Variants in LSP1 observed in about 807,000 individuals in gnomAD.
The protein encoded by LSP1 is lymphocyte-specific protein 1.
In LSP1, 32 loss-of-function variants were observed where a neutral mutation model predicts 49.3. That is an observed-to-expected ratio of 0.65 (90% confidence interval 0.49 to 0.87). The LOEUF is 0.87. Among genes scored for constraint, LSP1 ranks in the 40% least tolerant of loss-of-function variants. LSP1 has a pLI of 0.00. For synonymous variants in LSP1, 179 were observed against 178.8 expected (o/e 1.00, Z -0.01); for missense variants, 428 against 442.6 (o/e 0.97, Z 0.30).
At chr11:1,883,384 C>T in intron 3 of LSP1, 35 bp from the exon 4 acceptor site, 1 of 1,612,566 alleles carries the variant, frequency 6.2e-7, no homozygotes, top group Non-Finnish European at 8.5e-7. Context: ...AATCCAATGG[C>T]CCTAGAACGG....
Position 1,880,178 on chromosome 11 carries a change from G to A in LSP1, c.145G>A (p.Glu49Lys), listed in dbSNP as rs138504655. Residue 49 changes from glutamate to lysine, a missense_variant, in exon 2 of 11, where the codon GAG (glutamate) becomes AAG (lysine). Coordinates refer to ENST00000311604, the MANE Select transcript of LSP1 (RefSeq NM_002339.3). ...ERDRQLQAQD[E>K]EGGGHVPERP... ...AGACAGGCAGCTTCAGGCCCAGGAC[G>A]AGGAGGGAGGCGGCCATGTCCCCGA... 170 of 1,604,122 alleles carry A rather than the reference G, an allele frequency of 1.1e-4. No individual in the cohort carries two copies. The African/African-American group carries it at 1.9e-3, about 18-fold the overall frequency.
intron 1 of LSP1, chr11:1,870,647 G>A (rs1847959756): frequency 9.2e-7 from 1 of 1,087,970 alleles, no homozygotes; most frequent in Admixed American, 4.6e-5. Context: ...GGTGCCGGCT[G>A]TGGCTCCCGC....
At chr11:1,882,446 C>T (rs1315285146) in intron 3 of LSP1, among the ~76,000 whole-genome samples, 1 of 152,202 alleles carries the variant, frequency 6.6e-6, no homozygotes, top group Non-Finnish European at 1.5e-5. Context: ...TACAACCAGG[C>T]TCCCACTCCC....
chr11:1,857,528 C>T (rs774699579), intron 1 of LSP1, among the ~76,000 whole-genome samples: 6 of 152,166 alleles, frequency 3.9e-5, no homozygotes, highest in Non-Finnish European at 8.8e-5. Flanking sequence ...GGGGTGGGGG[C>T]GTGAGCTCTG....
chr11:1,867,090 G>A (rs186633311), intron 1 of LSP1, among the ~76,000 whole-genome samples: 327 of 152,264 alleles, frequency 2.1e-3, no homozygotes, highest in Non-Finnish European at 3.2e-3. Context: ...CAGTCCCTGT[G>A]GACCTGGGGA....
Position 1,880,133 on chromosome 11 carries a change from G to C in LSP1, c.100G>C (p.Glu34Gln). The change falls in exon 2 of 11, where the codon GAG becomes CAG. Residue 34 changes from glutamate (E) to glutamine (Q), a missense_variant. Coordinates refer to ENST00000311604, the MANE Select transcript of LSP1 (RefSeq NM_002339.3). Reference protein sequence around the residue: ...SVEDEEEAVHEQCQHERDRQL... With the variant: ...SVEDEEEAVHQQCQHERDRQL... The stretch of plus-strand genomic sequence containing the variant: ...GGAGGACGAGGAGGAGGCCGTCCAC[G>C]AGCAATGCCAGCATGAGAGAGACAG... 1 of 1,608,900 alleles carries C rather than the reference G, an allele frequency of 6.2e-7. No homozygotes were observed. The highest frequency in any genetic ancestry group is 1.1e-5 in the South Asian group (1 of 90,534).
intron 1 of LSP1, chr11:1,871,232 G>GGCAGGCAGAGCC: frequency 1.0e-6 from 1 of 986,716 alleles, no homozygotes; most frequent in Non-Finnish European, 1.2e-6. Context: ...GCAGGCACGG[G>GGCAGGCAGAGCC]GCAGGCAGAG....
At position 1,883,999 on chromosome 11, in the gene LSP1, C is replaced by T. The variant is rs1410605938; in HGVS notation, c.566C>T (p.Ser189Leu). Residue 189 changes from serine to leucine, a missense_variant, in exon 5 of 11, where the codon TCG becomes TTG. Ser to Leu is a moderately radical substitution (Grantham distance 145, BLOSUM62 -2). Transcript: ENST00000311604. ...TTGGAGGGGACCATCGAACAGAGCT[C>T]GCCTCCCCTGAGCCCTACCACCAAA... ...LVLEGTIEQSSPPLSPTTKLI... is the reference protein window; with the variant it reads ...LVLEGTIEQSLPPLSPTTKLI... 25 of 1,612,798 alleles carry T rather than the reference C, an allele frequency of 1.6e-5. No homozygotes were observed. Among genetic ancestry groups the T allele is most frequent in the East Asian group, 4.5e-5 (2 of 44,862 alleles).
In LSP1 at chr11:1,883,482, G is replaced by A; in HGVS notation, c.420G>A (p.Leu140=). Residue 140 remains leucine, a synonymous_variant, in exon 4 of 11, where the codon CTG becomes CTA. Coordinates refer to ENST00000311604, the MANE Select transcript of LSP1 (RefSeq NM_002339.3). ...AAGTCCACCTGGAGGAGTTGAGTCT[G>A]AGCAAGGAGGGGCCAGGCCCAGAGG... The part of the protein sequence containing the change: ...SDEVHLEELS[L]SKEGPGPEDT... 1.9e-6 allele frequency: 3 copies of A among 1,614,078 alleles called. No individual in the cohort carries two copies. Among genetic ancestry groups the A allele is most frequent in the Non-Finnish European group, 2.5e-6 (3 of 1,180,014 alleles).
intron 1 of LSP1, among the ~76,000 whole-genome samples, chr11:1,865,553 C>T (rs535018571): frequency 2.0e-4 from 29 of 146,520 alleles, no homozygotes; most frequent in African/African-American, 6.8e-4. Context: ...CCCGCACCGC[C>T]GGCTGCACTG....
At chr11:1,876,670 G>A (rs889306942) in intron 1 of LSP1, 17 of 978,682 alleles carry the variant, frequency 1.7e-5, no homozygotes, top group Non-Finnish European at 1.8e-5. Context: ...GTGCTGGGCC[G>A]AGGATGGGCA....
intron 10 of LSP1, chr11:1,890,498 G>A (rs1433236057): frequency 1.4e-6 from 1 of 716,932 alleles, no homozygotes; most frequent in Non-Finnish European, 2.6e-6. Flanking sequence ...TCCCTGGCTT[G>A]GGCAGCAGGG....
At chr11:1,889,286 C>T (rs1174227198) in intron 10 of LSP1, 4 of 696,672 alleles carry the variant, frequency 5.7e-6, no homozygotes, top group Middle Eastern at 2.3e-4. Flanking sequence ...ACAGGAAGGG[C>T]AGGCGGGTGA....
intron 2 of LSP1, chr11:1,881,223 C>A: frequency 3.8e-6 from 2 of 526,852 alleles, no homozygotes; most frequent in East Asian, 6.8e-5. Flanking sequence ...AAGCACAGTT[C>A]TCAGGCTGCC....
At chr11:1,857,838 T>C (rs929312083) in intron 1 of LSP1, among the ~76,000 whole-genome samples, 8 of 152,128 alleles carry the variant, frequency 5.3e-5, no homozygotes, top group Non-Finnish European at 1.2e-4. Context: ...CACTGGAACC[T>C]CCGCCCTCCA....
Position 1,853,186 on chromosome 11 carries a change from A to G in LSP1, c.42A>G (p.Glu14=), listed in dbSNP as rs1420213295. 1 of 1,611,106 alleles carries G rather than the reference A, an allele frequency of 6.2e-7. No homozygotes were observed. The highest frequency in any genetic ancestry group is 8.5e-7 in the Non-Finnish European group (1 of 1,179,368). The change falls in exon 1 of 11, where the codon GAA becomes GAG. Residue 14 remains glutamate (E), a synonymous_variant. Coordinates refer to ENST00000311604, the MANE Select transcript of LSP1 (RefSeq NM_002339.3). ...ASSDPGAEER[E]ELLGPTAQWS... is the part of the protein sequence containing the mutation. Reference sequence around the variant, plus strand: ...GTGACCCGGGTGCCGAGGAGCGGGAAGAGTTGCTGGGGTAAGGGTCTGCGG... The same window carrying G: ...GTGACCCGGGTGCCGAGGAGCGGGAGGAGTTGCTGGGGTAAGGGTCTGCGG...
chr11:1,880,156 C>T lies in LSP1; in HGVS notation c.123C>T (p.Asp41=). 6.2e-7 allele frequency: 1 copy of T among 1,606,144 alleles called. No homozygotes were observed. The highest frequency in any genetic ancestry group is 1.1e-5 in the South Asian group (1 of 90,224). The change falls in exon 2 of 11, where the codon GAC becomes GAT. Residue 41 remains aspartate (D), a synonymous_variant. Transcript: ENST00000311604. The part of the protein sequence containing the change: ...AVHEQCQHER[D]RQLQAQDEEG... Reference sequence around the variant, plus strand: ...ACGAGCAATGCCAGCATGAGAGAGACAGGCAGCTTCAGGCCCAGGACGAGG... The same window carrying T: ...ACGAGCAATGCCAGCATGAGAGAGATAGGCAGCTTCAGGCCCAGGACGAGG...
chr11:1,871,806 CG>C (rs1848023217), intron 1 of LSP1, among the ~76,000 whole-genome samples: 1 of 112,786 alleles, frequency 8.9e-6, no homozygotes, highest in African/African-American at 3.6e-5. Context: ...GGGGTCTGTC[CG>C]GCTGGCGTGG....
chr11:1,875,328 C>G (rs574707571), intron 1 of LSP1, among the ~76,000 whole-genome samples: 9 of 152,306 alleles, frequency 5.9e-5, no homozygotes, highest in African/African-American at 1.9e-4. Context: ...AGCAGAGGCC[C>G]AGAAGGACCT....
Sources: allele counts gnomAD v4.1 joint callset (sites outside exome capture counted in the v4.1 genomes callset), GRCh38; gene constraint gnomAD v4.1.1; transcripts MANE v1.5; gene names NCBI Gene and HGNC (gene_info 2026-07-23, HGNC 2026-07-21).